KY: variants seen among roughly 807,000 people sequenced by gnomAD.
KY encodes the protein kyphoscoliosis peptidase.
A neutral mutation model predicts 76.1 loss-of-function variants in KY; 43 were observed. That is an observed-to-expected ratio of 0.57 (90% CI 0.44 to 0.73). KY has a LOEUF of 0.73. KY is among the 30% of genes least tolerant of loss of function. The pLI is 0.00. For synonymous variants in KY, 277 were observed against 326.2 expected (o/e 0.85, Z 1.63); for missense variants, 722 against 828.9 (o/e 0.87, Z 1.58).
chr3:134,640,661 A>G (rs1404481004), intron 3 of KY, among the ~76,000 whole-genome samples: 1 of 152,236 alleles, frequency 6.6e-6, no homozygotes, highest in Non-Finnish European at 1.5e-5. Flanking sequence ...ACAGCTTTCC[A>G]AAATGGCAGG....
chr3:134,641,479 C>T (rs1965753348), intron 3 of KY, among the ~76,000 whole-genome samples: 2 of 152,082 alleles, frequency 1.3e-5, no homozygotes, highest in Non-Finnish European at 2.9e-5. Flanking sequence ...TGGAGTGAGG[C>T]AGCCACAAGC....
chr3:134,643,365 C>G lies in KY; in HGVS notation c.213G>C (p.Glu71Asp). ...EGNDFHENLVEKQHPQQPQVI... is the reference protein window; with the variant it reads ...EGNDFHENLVDKQHPQQPQVI... The stretch of plus-strand genomic sequence containing the variant: ...CCTGGGGCTGCTGAGGGTGCTGCTT[C>G]TCCACCAAGTTTTCTATTTAAGGAA... The change falls in exon 3 of 11, where the codon GAG (glutamate) becomes GAC (aspartate). Residue 71 changes from glutamate (E) to aspartate (D), a missense_variant. Transcript: ENST00000423778. 6.2e-7 allele frequency: 1 copy of G among 1,613,896 alleles called. No individual in the cohort carries two copies. The highest frequency in any genetic ancestry group is 8.5e-7 in the Non-Finnish European group (1 of 1,179,854).
At chr3:134,615,861 T>TGCAC (rs1410261199) in intron 8 of KY, among the ~76,000 whole-genome samples, 1 of 152,224 alleles carries the variant, frequency 6.6e-6, no homozygotes, top group African/African-American at 2.4e-5. Context: ...GCCATCTGAC[T>TGCAC]GCACACACTC....
At chr3:134,610,425 G>A in intron 8 of KY, 42 bp from the exon 9 acceptor site, 1 of 1,557,572 alleles carries the variant, frequency 6.4e-7, no homozygotes, top group Admixed American at 1.8e-5. Flanking sequence ...ATCCCGCTGT[G>A]GCTTGCCTCC....
chr3:134,627,706 T>C, intron 5 of KY, 50 bp downstream of exon 5: 1 of 1,542,010 alleles, frequency 6.5e-7, no homozygotes, highest in Non-Finnish European at 9.0e-7. Flanking sequence ...TCTATGAGGC[T>C]AAACCCATGT....
intron 2 of KY, 117 bp from the exon 3 acceptor site, chr3:134,643,495 A>C: frequency 1.3e-6 from 1 of 755,044 alleles, no homozygotes; most frequent in East Asian, 2.6e-5. Flanking sequence ...GCACATCCCC[A>C]GGCCTAAATG....
chr3:134,620,303 T>C (rs1962381908), intron 7 of KY, among the ~76,000 whole-genome samples: 1 of 152,122 alleles, frequency 6.6e-6, no homozygotes, highest in Admixed American at 6.5e-5. Flanking sequence ...GAGCAGGAAG[T>C]GGAGAACCCG....
chr3:134,644,196 A>T (rs1966152364), intron 2 of KY, among the ~76,000 whole-genome samples: 1 of 152,124 alleles, frequency 6.6e-6, no homozygotes, highest in Non-Finnish European at 1.5e-5. Flanking sequence ...AGACGGGATG[A>T]TGTGTAGTTT....
intron 1 of KY, 51 bp downstream of exon 1, chr3:134,650,774 A>G: frequency 6.7e-7 from 1 of 1,486,982 alleles, no homozygotes; most frequent in Non-Finnish European, 9.0e-7. Context: ...CCTTGTGGCA[A>G]GGAGGCCAAG....
rs368237213 is a variant in KY at position 134,650,970 on chromosome 3, T to G, written c.-10A>C. On this transcript the variant is annotated 5_prime_UTR_variant, in exon 1 of 11. Transcript: ENST00000423778. ...CCTTCTTCAGCTCCATGATGCCGCCTCCTTTCCGACCTGGGCGCCGCGGCC... is the reference window on the plus strand; with the variant it reads ...CCTTCTTCAGCTCCATGATGCCGCCGCCTTTCCGACCTGGGCGCCGCGGCC... 1 of 1,612,796 alleles carries G rather than the reference T, an allele frequency of 6.2e-7. No homozygotes were observed. Among genetic ancestry groups the G allele is most frequent in the African/African-American group, 1.3e-5 (1 of 74,882 alleles).
chr3:134,625,866 C>G (rs1318889374), intron 5 of KY, among the ~76,000 whole-genome samples: 1 of 152,358 alleles, frequency 6.6e-6, no homozygotes, highest in East Asian at 1.9e-4. Flanking sequence ...CGAGTCAGGT[C>G]TCTGAGACAG....
chr3:134,631,921 T>C (rs546204536), intron 3 of KY, among the ~76,000 whole-genome samples: 1 of 152,226 alleles, frequency 6.6e-6, no homozygotes, highest in South Asian at 2.1e-4. Flanking sequence ...AAGATTAAAC[T>C]ATATTCACTT....
chr3:134,634,865 G>A (rs1964716223), intron 3 of KY, among the ~76,000 whole-genome samples: 1 of 152,218 alleles, frequency 6.6e-6, no homozygotes, highest in Non-Finnish European at 1.5e-5. Context: ...CATGTATACT[G>A]AGGGGTGACT....
At chr3:134,646,559 A>G (rs889344297) in intron 2 of KY, among the ~76,000 whole-genome samples, 5 of 152,212 alleles carry the variant, frequency 3.3e-5, no homozygotes, top group Admixed American at 3.3e-4. Context: ...GAACAGAATG[A>G]GTGAATGAAT....
chr3:134,617,567 T>C (rs113781640), intron 8 of KY, among the ~76,000 whole-genome samples: 1 of 152,332 alleles, frequency 6.6e-6, no homozygotes, highest in African/African-American at 2.4e-5. Context: ...ATGTTACCAG[T>C]GTTAGCTGTA....
At chr3:134,616,390 A>G (rs552271540) in intron 8 of KY, among the ~76,000 whole-genome samples, 1 of 152,368 alleles carries the variant, frequency 6.6e-6, no homozygotes, top group South Asian at 2.1e-4. Flanking sequence ...CTGACAACCA[A>G]GAAGGGATAA....
At chr3:134,610,463 G>A in intron 8 of KY, 80 bp from the exon 9 acceptor site, 2 of 1,270,640 alleles carry the variant, frequency 1.6e-6, no homozygotes, top group Non-Finnish European at 2.2e-6. Context: ...CAGGTTTCAG[G>A]CATGTTTGCT....
At chr3:134,631,391 AG>A (rs1964211388) in intron 3 of KY, among the ~76,000 whole-genome samples, 2 of 152,248 alleles carry the variant, frequency 1.3e-5, no homozygotes, top group Non-Finnish European at 2.9e-5. Flanking sequence ...TGCTAACGGA[AG>A]TTCTTCAGAC....
intron 8 of KY, among the ~76,000 whole-genome samples, chr3:134,617,154 A>G (rs891866919): frequency 6.6e-6 from 1 of 152,220 alleles, no homozygotes; most frequent in African/African-American, 2.4e-5. Context: ...CATTCCTTCT[A>G]CAGTATGCTA....
Sources: allele counts gnomAD v4.1 joint callset (sites outside exome capture counted in the v4.1 genomes callset), GRCh38; gene constraint gnomAD v4.1.1; transcripts MANE v1.5; gene names NCBI Gene and HGNC (gene_info 2026-07-23, HGNC 2026-07-21).